CPNE4: variants seen among roughly 807,000 people sequenced by gnomAD.
CPNE4 encodes the protein copine-4.
A neutral mutation model predicts 67.9 loss-of-function variants in CPNE4; 25 were observed. The observed-to-expected ratio is 0.37, with a 90% CI of 0.27 to 0.51. The LOEUF is 0.51. Among genes scored for constraint, CPNE4 ranks in the 20% least tolerant of loss-of-function variants. CPNE4 has a pLI of 0.93. For synonymous variants in CPNE4, 242 were observed against 244.9 expected (o/e 0.99, Z 0.11); for missense variants, 464 against 690.8 (o/e 0.67, Z 3.68).
chr3:131,676,339 G>A (rs1324356040), intron 6 of CPNE4, among the ~76,000 whole-genome samples: 1 of 152,038 alleles, frequency 6.6e-6, no homozygotes, highest in East Asian at 1.9e-4. Flanking sequence ...GATTACATGT[G>A]TGAGCCACTG....
chr3:131,768,808 C>T (rs145395334), intron 2 of CPNE4, among the ~76,000 whole-genome samples: 1 of 152,124 alleles, frequency 6.6e-6, no homozygotes, highest in Non-Finnish European at 1.5e-5. Context: ...TGGAAAGAAA[C>T]TCAAGCCCCA....
Position 131,581,565 on chromosome 3 carries a change from G to C in CPNE4, c.867+14C>G. The C allele has an allele frequency of 6.4e-7, 1 of 1,572,486 alleles. No individual in the cohort carries two copies. The highest frequency in any genetic ancestry group is 1.1e-5 in the South Asian group (1 of 90,212). The stretch of plus-strand genomic sequence containing the variant: ...CTAGCTTCATACTCCTGGAAGAGAG[G>C]GTTGTGTACATACCTTGCACAGATT... On this transcript the variant is annotated intron_variant, in intron 9 of 15. Transcript: ENST00000429747.
intron 1 of CPNE4, among the ~76,000 whole-genome samples, chr3:132,030,503 T>C (rs2074214884): frequency 6.6e-6 from 1 of 152,224 alleles, no homozygotes; most frequent in African/African-American, 2.4e-5. Flanking sequence ...TCAGCTTAAA[T>C]GGGCTCCCCT....
chr3:131,796,959 C>G (rs1462754301), intron 2 of CPNE4, among the ~76,000 whole-genome samples: 1 of 152,196 alleles, frequency 6.6e-6, no homozygotes, highest in Non-Finnish European at 1.5e-5. Context: ...ACTGTTCTCT[C>G]TTTCTTTGGA....
At chr3:131,806,278 C>T (rs571229765) in intron 2 of CPNE4, among the ~76,000 whole-genome samples, 54 of 152,088 alleles carry the variant, frequency 3.6e-4, no homozygotes, top group Non-Finnish European at 7.2e-4. Context: ...TGGCCAGGCG[C>T]GGTGGCTCAT....
chr3:131,769,641 T>C (rs2083113315), intron 2 of CPNE4, among the ~76,000 whole-genome samples: 1 of 152,152 alleles, frequency 6.6e-6, no homozygotes, highest in Admixed American at 6.6e-5. Flanking sequence ...ACTGTGTGTA[T>C]GTTCAGAAAA....
rs571038189 is a variant in CPNE4 at position 131,912,809 on chromosome 3, G to A, written c.-1-7365C>T. Among the ~76,000 whole-genome samples the A allele has an allele frequency of 2.0e-5, 3 of 152,258 alleles. No homozygotes were observed. The South Asian group carries it at 6.2e-4, about 32-fold the overall frequency. Reference sequence around the variant, plus strand: ...TTCACCATCATCACAAATCACCTGGGAAGCAGGTTAAAATGTAGTTTCTGT... The same window carrying A: ...TTCACCATCATCACAAATCACCTGGAAAGCAGGTTAAAATGTAGTTTCTGT... On this transcript the variant is annotated intron_variant, in intron 1 of 15. Coordinates refer to ENST00000429747, the MANE Select transcript of CPNE4 (RefSeq NM_130808.3).
intron 2 of CPNE4, among the ~76,000 whole-genome samples, chr3:131,763,239 C>CT (rs1289359674): frequency 1.2e-4 from 18 of 152,064 alleles, no homozygotes; most frequent in African/African-American, 3.1e-4. Context: ...TAGCAACTGA[C>CT]TTAATAACTG....
At chr3:131,673,397 T>C (rs1269069182) in intron 6 of CPNE4, among the ~76,000 whole-genome samples, 1 of 152,076 alleles carries the variant, frequency 6.6e-6, no homozygotes. Flanking sequence ...TGATAAAGAT[T>C]GCATTGAATC....
At chr3:131,987,860 T>C (rs1020168526) in intron 1 of CPNE4, among the ~76,000 whole-genome samples, 1 of 152,224 alleles carries the variant, frequency 6.6e-6, no homozygotes, top group Non-Finnish European at 1.5e-5. Flanking sequence ...TCTAGACTAG[T>C]GTCAGGGTGA....
At chr3:131,652,685 A>T (rs959674072) in intron 7 of CPNE4, among the ~76,000 whole-genome samples, 2 of 152,184 alleles carry the variant, frequency 1.3e-5, no homozygotes, top group Non-Finnish European at 2.9e-5. Flanking sequence ...ATACACACAC[A>T]TGAGCACTTA....
chr3:131,924,220 G>A (rs1400418610), intron 1 of CPNE4, among the ~76,000 whole-genome samples: 1 of 152,210 alleles, frequency 6.6e-6, no homozygotes, highest in East Asian at 1.9e-4. Context: ...GTCCTTATTT[G>A]TTTCCTTCCC....
At chr3:131,763,650 G>A (rs1683370491) in intron 2 of CPNE4, among the ~76,000 whole-genome samples, 1 of 152,050 alleles carries the variant, frequency 6.6e-6, no homozygotes, top group South Asian at 2.1e-4. Context: ...TCTCAGGAAG[G>A]CAAAGGACTG....
intron 7 of CPNE4, among the ~76,000 whole-genome samples, chr3:131,620,078 C>T (rs1015456372): frequency 1.3e-5 from 2 of 152,156 alleles, no homozygotes; most frequent in Non-Finnish European, 2.9e-5. Flanking sequence ...CAGGCTCTCT[C>T]GGGTGTGAGC....
At chr3:131,920,120 C>A (rs2070700348) in intron 1 of CPNE4, among the ~76,000 whole-genome samples, 2 of 152,088 alleles carry the variant, frequency 1.3e-5, no homozygotes, top group East Asian at 1.9e-4. Context: ...ATGCTGCAGG[C>A]CAAAGCCTAC....
rs529643558 is a variant in CPNE4 at position 131,947,203 on chromosome 3, A to AGTTTT, written c.-1-41764_-1-41760dup. 4.8e-3 allele frequency among the ~76,000 whole-genome samples: 736 copies of AGTTTT among 151,968 alleles called. 5 individuals carry two copies. Among genetic ancestry groups the AGTTTT allele is most frequent in the African/African-American group, 0.017 (710 of 41,520 alleles). ...GCAATTCCATATGAATTTGAGGATC[A>AGTTTT]GTTTTGTTTTGTTTTGTTTTCCCCT... On this transcript the variant is annotated intron_variant, in intron 1 of 15. Coordinates refer to ENST00000429747, the MANE Select transcript of CPNE4 (RefSeq NM_130808.3).
chr3:131,625,940 T>C (rs1321862692), intron 7 of CPNE4, among the ~76,000 whole-genome samples: 1 of 152,214 alleles, frequency 6.6e-6, no homozygotes, highest in East Asian at 1.9e-4. Context: ...TATTTCAAAC[T>C]TTCTCTTTAT....
At chr3:131,627,461 C>G (rs1011985586) in intron 7 of CPNE4, among the ~76,000 whole-genome samples, 4 of 152,156 alleles carry the variant, frequency 2.6e-5, no homozygotes, top group Non-Finnish European at 4.4e-5. Flanking sequence ...GTTTTTGTGT[C>G]TGCTAACACA....
At chr3:131,944,457 G>C (rs1251136426) in intron 1 of CPNE4, among the ~76,000 whole-genome samples, 2 of 151,994 alleles carry the variant, frequency 1.3e-5, no homozygotes, top group African/African-American at 4.8e-5. Flanking sequence ...GGTTGCTCCT[G>C]GCTATTAGTA....
Sources: gnomAD v4.1 joint callset for allele counts (sites outside exome capture counted in the v4.1 genomes callset) on GRCh38, gnomAD v4.1.1 for gene constraint, MANE v1.5 for transcripts, NCBI Gene and HGNC (gene_info 2026-07-23, HGNC 2026-07-21) for gene names.